GRM8: variants seen among roughly 807,000 people sequenced by gnomAD.
GRM8 encodes the protein metabotropic glutamate receptor 8.
GRM8 carries 47 observed loss-of-function variants against 87.2 expected under a neutral mutation model. The observed-to-expected ratio is 0.54, with a 90% confidence interval of 0.43 to 0.69. The LOEUF (loss-of-function observed/expected upper bound fraction) is 0.69. Among genes scored for constraint, GRM8 ranks in the 30% least tolerant of loss-of-function variants. The probability of loss-of-function intolerance (pLI) is 0.00; values close to 1 mark genes in which losing one functional copy is unlikely to be tolerated. For missense variants in GRM8, 1,019 were observed against 1,139.2 expected (o/e 0.89, Z 1.52); for synonymous variants, 396 against 404.5 (o/e 0.98, Z 0.25).
chr7:126,627,533 TA>T (rs1487166214), intron 7 of GRM8, among the ~76,000 whole-genome samples: 19 of 152,336 alleles, frequency 1.2e-4, no homozygotes, highest in Admixed American at 3.3e-4. Context: ...GTAGCTTAAA[TA>T]TTTTTTTCTT....
At chr7:126,984,861 G>C (rs1811890585) in intron 3 of GRM8, among the ~76,000 whole-genome samples, 1 of 152,004 alleles carries the variant, frequency 6.6e-6, no homozygotes, top group African/African-American at 2.4e-5. Context: ...TTTTACTTAG[G>C]AGTAAGAATT....
intron 9 of GRM8, among the ~76,000 whole-genome samples, chr7:126,471,253 G>A (rs1211194510): frequency 6.6e-6 from 1 of 152,168 alleles, no homozygotes; most frequent in Non-Finnish European, 1.5e-5. Flanking sequence ...TTTTAGACAT[G>A]AAGTCCTTGC....
At chr7:127,235,356 T>C (rs1240089434) in intron 2 of GRM8, among the ~76,000 whole-genome samples, 1 of 152,222 alleles carries the variant, frequency 6.6e-6, no homozygotes, top group African/African-American at 2.4e-5. Context: ...AGTTATTGCA[T>C]GTTTCGAAGA....
chr7:126,699,099 T>C (rs779291874), intron 7 of GRM8, among the ~76,000 whole-genome samples: 1 of 152,182 alleles, frequency 6.6e-6, no homozygotes, highest in Non-Finnish European at 1.5e-5. Flanking sequence ...GGGACTTTTA[T>C]CTAATCTTAA....
intron 7 of GRM8, among the ~76,000 whole-genome samples, chr7:126,677,082 C>T (rs1033040804): frequency 6.6e-6 from 1 of 152,098 alleles, no homozygotes; most frequent in East Asian, 1.9e-4. Flanking sequence ...CACAAATGAC[C>T]ACCAAATATA....
chr7:126,950,832 G>A (rs771340833), intron 3 of GRM8, among the ~76,000 whole-genome samples: 4 of 151,980 alleles, frequency 2.6e-5, no homozygotes, highest in African/African-American at 9.7e-5. Context: ...AAAACTTTTG[G>A]TGGTCCAGAC....
chr7:126,698,484 C>T (rs186252580), intron 7 of GRM8, among the ~76,000 whole-genome samples: 18 of 152,214 alleles, frequency 1.2e-4, no homozygotes, highest in Admixed American at 5.9e-4. Flanking sequence ...CATATCAGTG[C>T]ATGTGTGCTA....
intron 2 of GRM8, among the ~76,000 whole-genome samples, chr7:127,238,647 G>A (rs1391912794): frequency 6.6e-6 from 1 of 152,198 alleles, no homozygotes; most frequent in African/African-American, 2.4e-5. Context: ...ATGGATCTAC[G>A]CCACATGGCA....
At chr7:126,956,569 T>C (rs565167799) in intron 3 of GRM8, among the ~76,000 whole-genome samples, 25 of 152,364 alleles carry the variant, frequency 1.6e-4, no homozygotes, top group Non-Finnish European at 2.6e-4. Flanking sequence ...TGTGCCATGT[T>C]GGTGTGCTGC....
Position 127,252,312 on chromosome 7 carries a change from G to GA in GRM8, c.-312+484dup, listed in dbSNP as rs941080000. 1.3e-5 allele frequency: 2 copies of GA among 152,208 alleles called. No homozygotes were observed. The highest frequency in any genetic ancestry group is 4.8e-5 in the African/African-American group (2 of 41,436). The allele number at this position is 152,208 out of a possible 1,614,324, so 9.4% of individuals were successfully genotyped here. On this transcript the variant is annotated intron_variant, in intron 1 of 10. Coordinates refer to ENST00000339582, the MANE Select transcript of GRM8 (RefSeq NM_000845.3). The surrounding 1 kb of genome is among the most constrained non-coding windows in gnomAD (Gnocchi z 4.9). ...CCATTCGCCGACTAAACTTTTGGGG[G>GA]ATCACATCTCCAAGCCTTGGGAGTT... is the stretch of plus-strand genomic sequence containing the variant.
rs150652451 is a variant in GRM8, at chr7:127,062,357, T to C, written c.727+44139A>G. ...TGACACAGCATGCAATAGGGAGTCA[T>C]TGCCATTTATAAAAGAAGGAATGGT... On this transcript the variant is annotated intron_variant, in intron 3 of 10. Transcript: ENST00000339582. 5.0e-3 allele frequency among the ~76,000 whole-genome samples: 761 copies of C among 152,110 alleles called. 8 individuals carry two copies. Among genetic ancestry groups the C allele is most frequent in the African/African-American group, 0.017 (714 of 41,484 alleles).
At chr7:126,969,309 C>T (rs1563364850) in intron 3 of GRM8, among the ~76,000 whole-genome samples, 1 of 152,164 alleles carries the variant, frequency 6.6e-6, no homozygotes, top group Non-Finnish European at 1.5e-5. Flanking sequence ...GCATGTGATG[C>T]TGTTACAGCA....
At chr7:127,203,901 T>G (rs1795760219) in intron 2 of GRM8, among the ~76,000 whole-genome samples, 1 of 151,820 alleles carries the variant, frequency 6.6e-6, no homozygotes, top group Non-Finnish European at 1.5e-5. Context: ...AACTAGAAAA[T>G]AAATGCCTGC....
At chr7:126,441,228 C>T (rs1801436325) in intron 10 of GRM8, among the ~76,000 whole-genome samples, 4 of 151,742 alleles carry the variant, frequency 2.6e-5, no homozygotes, top group South Asian at 2.1e-4. Context: ...ATGTGAATTG[C>T]CAATGCATAT....
intron 9 of GRM8, among the ~76,000 whole-genome samples, chr7:126,473,682 T>G (rs886759942): frequency 4.6e-5 from 7 of 152,160 alleles, no homozygotes; most frequent in African/African-American, 1.7e-4. Flanking sequence ...TGGAATAATA[T>G]GCTTAGGCTT....
intron 2 of GRM8, among the ~76,000 whole-genome samples, chr7:127,113,894 G>A (rs1826539302): frequency 6.6e-6 from 1 of 152,140 alleles, no homozygotes. Flanking sequence ...TATAAATGAG[G>A]AGTTAGGGCT....
chr7:127,099,274 G>A (rs890090066), intron 3 of GRM8, among the ~76,000 whole-genome samples: 3 of 152,184 alleles, frequency 2.0e-5, no homozygotes, highest in South Asian at 2.1e-4. Flanking sequence ...TGTGTAACAC[G>A]TAGGTCTTAA....
intron 2 of GRM8, among the ~76,000 whole-genome samples, chr7:127,226,545 A>C (rs1797334341): frequency 6.6e-6 from 1 of 152,208 alleles, no homozygotes; most frequent in Non-Finnish European, 1.5e-5. Context: ...TACACCAAAA[A>C]GTAAATTGCC....
intron 3 of GRM8, among the ~76,000 whole-genome samples, chr7:127,002,730 A>G (rs918694128): frequency 6.6e-6 from 1 of 151,734 alleles, no homozygotes; most frequent in Admixed American, 6.6e-5. Flanking sequence ...CAGAAACCCT[A>G]GGTTTCAGCC....
Sources: gnomAD v4.1 joint callset for allele counts (sites outside exome capture counted in the v4.1 genomes callset) on GRCh38, gnomAD v4.1.1 for gene constraint, Gnocchi (gnomAD v3.1) non-coding constraint, MANE v1.5 for transcripts, NCBI Gene and HGNC (gene_info 2026-07-23, HGNC 2026-07-21) for gene names.